NPIPB2: variants seen among roughly 807,000 people sequenced by gnomAD.
NPIPB2 encodes the protein nuclear pore complex interacting protein family member B2.
In NPIPB2, 27 loss-of-function variants were observed where a neutral mutation model predicts 30.8. That is an observed-to-expected ratio of 0.88 (90% CI 0.65 to 1.21). NPIPB2 has a LOEUF of 1.21. Ranked by LOEUF, NPIPB2 falls within the 50% of genes most tolerant of loss-of-function variation. The pLI, the probability that NPIPB2 is intolerant of heterozygous loss-of-function variation, is 0.00. For synonymous variants in NPIPB2, 147 were observed against 162.0 expected, an observed-to-expected ratio of 0.91 and a Z score of 0.70; for missense variants, 440 against 446.2, an observed-to-expected ratio of 0.99 and a Z score of 0.13.
chr16:11,975,872 G>T (rs1207853501), intron 1 of NPIPB2, among the ~76,000 whole-genome samples: 1 of 151,858 alleles, frequency 6.6e-6, no homozygotes, highest in African/African-American at 2.4e-5. Flanking sequence ...GGGATTACAG[G>T]CATGAGTCAC....
At chr16:11,958,611 T>A (rs977193926) in intron 1 of NPIPB2, among the ~76,000 whole-genome samples, 18 of 151,898 alleles carry the variant, frequency 1.2e-4, no homozygotes, top group Non-Finnish European at 2.4e-4. Context: ...CAAGATGGCA[T>A]GTGCCTGCAG....
chr16:11,975,539 T>C lies in NPIPB2; in HGVS notation c.-584+1029A>G, dbSNP rs528743220. Among the ~76,000 whole-genome samples the C allele has an allele frequency of 3.3e-5, 5 of 152,136 alleles. No individual in the cohort carries two copies. The East Asian group carries it at 9.7e-4, about 30-fold the overall frequency. On this transcript the variant is annotated intron_variant, in intron 1 of 5. Coordinates refer to the NPIPB2 transcript ENST00000538896. ...GCAATAACTCCTTAACCACCTGCTC[T>C]TTCTCCACCCTGCCCCCATTATAAT...
chr16:11,957,191 G>T (rs2055119369), intron 1 of NPIPB2, among the ~76,000 whole-genome samples: 2 of 143,618 alleles, frequency 1.4e-5, no homozygotes, highest in Admixed American at 7.0e-5. Context: ...TTGAGATGGA[G>T]TCTCACTCTG....
exon 8 of NPIPB2, chr16:11,927,668 G>C (rs2054746821): frequency 6.3e-7 from 1 of 1,598,022 alleles, no homozygotes; most frequent in African/African-American, 1.4e-5. Flanking sequence ...ACACTCGGGA[G>C]GTGTCTTGAG....
intron 1 of NPIPB2, among the ~76,000 whole-genome samples, chr16:11,971,218 G>T (rs140017096): frequency 6.6e-6 from 1 of 152,018 alleles, no homozygotes; most frequent in Non-Finnish European, 1.5e-5. Flanking sequence ...TAAAGAAAAG[G>T]GTCAAACTCT....
intron 1 of NPIPB2, among the ~76,000 whole-genome samples, chr16:11,961,238 C>G (rs898751366): frequency 1.1e-4 from 17 of 152,176 alleles, no homozygotes; most frequent in Middle Eastern, 3.4e-3. Flanking sequence ...TTCCAAAGGT[C>G]AGCAATCTGG....
intron 1 of NPIPB2, among the ~76,000 whole-genome samples, chr16:11,961,598 A>G (rs954742653): frequency 1.8e-4 from 27 of 149,208 alleles, no homozygotes; most frequent in Non-Finnish European, 3.1e-4. Flanking sequence ...TGGCCAACAT[A>G]CTGAAACCCC....
chr16:11,951,285 T>C (rs2055058952), intron 1 of NPIPB2, among the ~76,000 whole-genome samples: 1 of 149,294 alleles, frequency 6.7e-6, no homozygotes, highest in Admixed American at 6.7e-5. Flanking sequence ...TGAAACCCCG[T>C]CTCTACTAAA....
chr16:11,932,889 C>A (rs2054809972), intron 4 of NPIPB2, among the ~76,000 whole-genome samples: 1 of 139,922 alleles, frequency 7.1e-6, no homozygotes, highest in Admixed American at 7.6e-5. Context: ...AATTGGGAGG[C>A]AGAGGTTGCA....
chr16:11,976,170 C>G (rs1466405872), intron 1 of NPIPB2, among the ~76,000 whole-genome samples: 5 of 152,104 alleles, frequency 3.3e-5, no homozygotes, highest in African/African-American at 1.2e-4. Context: ...CTCAGGTGAT[C>G]CGCTCGCCTC....
intron 1 of NPIPB2, among the ~76,000 whole-genome samples, chr16:11,976,328 C>A (rs1341581748): frequency 6.6e-6 from 1 of 152,244 alleles, no homozygotes; most frequent in Middle Eastern, 3.2e-3. Flanking sequence ...TCTTCCCGGA[C>A]TGGGTTCCTC....
chr16:11,967,280 G>A, intron 1 of NPIPB2: 1 of 346,492 alleles, frequency 2.9e-6, no homozygotes, highest in Non-Finnish European at 5.3e-6. Flanking sequence ...GGGATTACAG[G>A]CGTGAGCCAC....
At chr16:11,934,274 G>A (rs2054835165) in intron 2 of NPIPB2, among the ~76,000 whole-genome samples, 1 of 139,858 alleles carries the variant, frequency 7.2e-6, no homozygotes, top group African/African-American at 2.8e-5. Context: ...ATGACATGAG[G>A]CTGGCACGGT....
intron 2 of NPIPB2, 85 bp downstream of exon 2, chr16:11,937,455 G>T (rs2054883112): frequency 1.3e-6 from 1 of 795,174 alleles, no homozygotes; most frequent in African/African-American, 1.7e-5. Flanking sequence ...TATTCATAAT[G>T]AAGTCCAGAA....
chr16:11,953,348 T>G (rs1176070393), intron 1 of NPIPB2, among the ~76,000 whole-genome samples: 2 of 151,926 alleles, frequency 1.3e-5, no homozygotes, highest in Non-Finnish European at 2.9e-5. Flanking sequence ...TTTGGTTTTG[T>G]TTTTGTTTTC....
upstream of NPIPB2, among the ~76,000 whole-genome samples, chr16:11,943,861 G>C (rs2054971365): frequency 6.6e-6 from 1 of 151,286 alleles, no homozygotes; most frequent in Admixed American, 6.6e-5. Context: ...AGCTGGCCGT[G>C]GTGGCGGGCG....
At chr16:11,961,187 C>G (rs565293725) in intron 1 of NPIPB2, among the ~76,000 whole-genome samples, 1 of 152,106 alleles carries the variant, frequency 6.6e-6, no homozygotes, top group African/African-American at 2.4e-5. Context: ...TGTTCTCTCC[C>G]TATTTCTCTA....
At chr16:11,948,139 G>A (rs1430649945) in intron 1 of NPIPB2, among the ~76,000 whole-genome samples, 1 of 151,574 alleles carries the variant, frequency 6.6e-6, no homozygotes, top group African/African-American at 2.4e-5. Flanking sequence ...CTTTCCTGCA[G>A]GGTGACCAGC....
chr16:11,960,353 CTTTT>C (rs35099223), intron 1 of NPIPB2, among the ~76,000 whole-genome samples: 3 of 126,360 alleles, frequency 2.4e-5, no homozygotes, highest in Non-Finnish European at 3.3e-5. Context: ...GTATGGTTCC[CTTTT>C]TTTTTTTTTT....
Sources: allele counts gnomAD v4.1 joint callset (sites outside exome capture counted in the v4.1 genomes callset), GRCh38; gene constraint gnomAD v4.1.1; transcripts MANE v1.5; gene names NCBI Gene and HGNC (gene_info 2026-07-23, HGNC 2026-07-21).